MAP4K5: variants seen among roughly 807,000 people sequenced by gnomAD.
MAP4K5 encodes MAPK/ERK kinase kinase kinase 5.
MAP4K5 carries 82 observed loss-of-function variants against 135.6 expected under a neutral mutation model. The observed-to-expected ratio is 0.60, with a 90% confidence interval of 0.51 to 0.73. The LOEUF is 0.73. MAP4K5 is among the 30% of genes least tolerant of loss of function. The pLI is 0.00. For missense variants in MAP4K5, 907 were observed against 1,010.9 expected, an observed-to-expected ratio of 0.90 and a Z score of 1.39; for synonymous variants, 347 against 335.0, an observed-to-expected ratio of 1.04 and a Z score of -0.39.
At chr14:50,556,131 CTTGACTT>C (rs1443861756) in intron 1 of MAP4K5, among the ~76,000 whole-genome samples, 8 of 152,074 alleles carry the variant, frequency 5.3e-5, no homozygotes, top group African/African-American at 1.9e-4. Context: ...TTAAAATGAA[CTTGACTT>C]TTGACTTTTT....
chr14:50,514,985 C>G (rs1413524242), intron 2 of MAP4K5, among the ~76,000 whole-genome samples: 1 of 151,906 alleles, frequency 6.6e-6, no homozygotes, highest in Admixed American at 6.6e-5. Flanking sequence ...CTCACTGCAG[C>G]CTCTGCCTCC....
At chr14:50,538,253 C>T (rs1476908564) in intron 2 of MAP4K5, among the ~76,000 whole-genome samples, 2 of 152,198 alleles carry the variant, frequency 1.3e-5, no homozygotes, top group African/African-American at 2.4e-5. Flanking sequence ...TGACTTGCTC[C>T]TCCTTGCCTT....
Position 50,440,415 on chromosome 14 carries a change from C to T in MAP4K5, c.1591G>A (p.Asp531Asn). 1 of 1,598,402 alleles carries T rather than the reference C, an allele frequency of 6.3e-7. No individual in the cohort carries two copies. The highest frequency in any genetic ancestry group is 8.6e-7 in the Non-Finnish European group (1 of 1,168,952). ...KDQYIIFGTEDGIYTLNLNEL... is the reference protein window; with the variant it reads ...KDQYIIFGTENGIYTLNLNEL... ...TTGAGATTCAGTGTGTAAATACCATCTTCAGTTCCAAAAATAATGTACTGA... is the reference window on the plus strand; with the variant it reads ...TTGAGATTCAGTGTGTAAATACCATTTTCAGTTCCAAAAATAATGTACTGA... Residue 531 changes from aspartate (D) to asparagine (N), a missense_variant, in exon 22 of 33, where the codon GAT becomes AAT. By Grantham distance (23) the Asp-to-Asn change is conservative (BLOSUM62 1). This residue lies in a region of MAP4K5 where 690 missense variants were observed against 777.4 expected (regional missense o/e 0.89). Transcript: ENST00000682126.
At chr14:50,513,114 G>C (rs950041878) in intron 2 of MAP4K5, among the ~76,000 whole-genome samples, 5 of 151,986 alleles carry the variant, frequency 3.3e-5, no homozygotes, top group Non-Finnish European at 7.4e-5. Flanking sequence ...ATTATTATGT[G>C]GAAAAGATAA....
At chr14:50,420,519 C>T (rs1286010255) in intron 32 of MAP4K5, among the ~76,000 whole-genome samples, 1 of 151,986 alleles carries the variant, frequency 6.6e-6, no homozygotes, top group East Asian at 1.9e-4. Flanking sequence ...GTAGTCCCAG[C>T]TACTCAGGAC....
chr14:50,504,904 A>T (rs756463077), intron 2 of MAP4K5, 47 bp from the exon 3 acceptor site: 5 of 1,258,624 alleles, frequency 4.0e-6, no homozygotes, highest in African/African-American at 1.5e-5. Flanking sequence ...AAAGCTTGTT[A>T]ATTACATTAA....
chr14:50,447,339 A>G (rs1012987350), intron 16 of MAP4K5, 75 bp downstream of exon 16: 1 of 869,012 alleles, frequency 1.2e-6, no homozygotes. Flanking sequence ...AAAGCTTATT[A>G]GAATAAATCA....
At chr14:50,550,322 T>C (rs1341747802) in intron 1 of MAP4K5, among the ~76,000 whole-genome samples, 2 of 152,200 alleles carry the variant, frequency 1.3e-5, no homozygotes, top group East Asian at 3.8e-4. Context: ...GCAATAATAA[T>C]GTTACAAGGA....
chr14:50,469,099 G>T (rs2036898548), intron 9 of MAP4K5, among the ~76,000 whole-genome samples: 2 of 152,238 alleles, frequency 1.3e-5, no homozygotes, highest in South Asian at 4.2e-4. Context: ...TCCCTGTGAA[G>T]GTCAAAGAAA....
At chr14:50,507,715 G>C (rs1320477934) in intron 2 of MAP4K5, among the ~76,000 whole-genome samples, 1 of 152,208 alleles carries the variant, frequency 6.6e-6, no homozygotes, top group Non-Finnish European at 1.5e-5. Flanking sequence ...CTGAGAGACA[G>C]TTTGTTATAA....
At chr14:50,534,275 T>C (rs2140137137), upstream of MAP4K5, among the ~76,000 whole-genome samples, 1 of 152,296 alleles carries the variant, frequency 6.6e-6, no homozygotes, top group African/African-American at 2.4e-5. Flanking sequence ...GTGGGCAAAC[T>C]AGTATGACGT....
At chr14:50,532,247 G>T in intron 1 of MAP4K5, 89 bp from the exon 2 acceptor site, 1 of 541,100 alleles carries the variant, frequency 1.8e-6, no homozygotes. Flanking sequence ...CTTCCCTTCC[G>T]TCCCGCCAGG....
intron 9 of MAP4K5, among the ~76,000 whole-genome samples, chr14:50,470,588 A>G (rs1435879931): frequency 2.6e-5 from 4 of 152,194 alleles, no homozygotes; most frequent in Non-Finnish European, 5.9e-5. Context: ...AAAATATGGA[A>G]GAAAACAAGC....
intron 6 of MAP4K5, among the ~76,000 whole-genome samples, chr14:50,479,182 C>G (rs2037178894): frequency 4.3e-5 from 1 of 23,390 alleles, no homozygotes; most frequent in African/African-American, 5.5e-5. Context: ...TCTTCATTCT[C>G]TCTCTTTTTT....
At chr14:50,464,856 CAT>C (rs1566658442) in intron 11 of MAP4K5, among the ~76,000 whole-genome samples, 1 of 152,158 alleles carries the variant, frequency 6.6e-6, no homozygotes, top group Non-Finnish European at 1.5e-5. Flanking sequence ...ATAAAGATAA[CAT>C]GGAGTCAGAC....
intron 26 of MAP4K5, among the ~76,000 whole-genome samples, chr14:50,436,405 G>GGCTGCACTA (rs1291962913): frequency 6.6e-6 from 1 of 152,110 alleles, no homozygotes; most frequent in African/African-American, 2.4e-5. Context: ...GGTGGGGACT[G>GGCTGCACTA]GCTGCACTAG....
chr14:50,445,058 G>A lies in MAP4K5; in HGVS notation c.1322C>T (p.Ala441Val). 1.2e-6 allele frequency: 2 copies of A among 1,613,348 alleles called. No individual in the cohort carries two copies. Among genetic ancestry groups the A allele is most frequent in the Non-Finnish European group, 1.7e-6 (2 of 1,179,510 alleles). Residue 441 changes from alanine (A) to valine (V), a missense_variant, in exon 18 of 33, where the codon GCA becomes GTA. Coordinates refer to ENST00000682126, the MANE Select transcript of MAP4K5 (RefSeq NM_006575.6). ...RQSSPSCGPV[A>V]ETSSIGNGDG... ...AGCCATACCAATAGAAGAAGTCTCT[G>A]CCACAGGCCCACAACTTGGGCTACT...
chr14:50,475,631 C>T (rs550733752), intron 8 of MAP4K5, among the ~76,000 whole-genome samples: 26 of 152,168 alleles, frequency 1.7e-4, no homozygotes, highest in African/African-American at 6.0e-4. Context: ...AGCCTGAGGC[C>T]AGGAGTCCAA....
At chr14:50,555,578 C>T (rs995136172) in intron 1 of MAP4K5, among the ~76,000 whole-genome samples, 1 of 152,220 alleles carries the variant, frequency 6.6e-6, no homozygotes, top group African/African-American at 2.4e-5. Context: ...GCCACCGTGG[C>T]CAGCCAGTTC....
Sources: allele counts gnomAD v4.1 joint callset (sites outside exome capture counted in the v4.1 genomes callset), GRCh38; gene constraint gnomAD v4.1.1; regional missense constraint gnomAD v4.1.1; transcripts MANE v1.5; gene names NCBI Gene and HGNC (gene_info 2026-07-23, HGNC 2026-07-21).